The following GALNTL6 variants were observed in gnomAD, a reference collection of about 807,000 sequenced individuals.
GALNTL6 encodes polypeptide N-acetylgalactosaminyltransferase like 6, also known as polypeptide N-acetylgalactosaminyltransferase-like 6.
In GALNTL6, 46 loss-of-function variants were observed where a neutral mutation model predicts 73.7. That is an observed-to-expected ratio of 0.62 (90% confidence interval 0.49 to 0.80). The LOEUF is 0.80. Ranked by LOEUF, GALNTL6 falls within the 30% of genes least tolerant of loss-of-function variation. GALNTL6 has a pLI of 0.00. For synonymous variants in GALNTL6, 259 were observed against 263.7 expected, an observed-to-expected ratio of 0.98 and a Z score of 0.17; for missense variants, 604 against 755.0, an observed-to-expected ratio of 0.80 and a Z score of 2.34.
At chr4:172,995,059 G>A (rs1751715139) in intron 10 of GALNTL6, among the ~76,000 whole-genome samples, 4 of 152,124 alleles carry the variant, frequency 2.6e-5, no homozygotes, top group Non-Finnish European at 2.9e-5. Context: ...TGTGACTATG[G>A]CCCTTGGCTT....
At chr4:172,259,518 C>T (rs1258208946) in intron 3 of GALNTL6, among the ~76,000 whole-genome samples, 5 of 149,560 alleles carry the variant, frequency 3.3e-5, no homozygotes, top group Admixed American at 6.7e-5. Context: ...AGTCCTTTGT[C>T]GGATGCACAG....
chr4:172,401,504 C>T (rs527613963), intron 5 of GALNTL6, among the ~76,000 whole-genome samples: 1 of 152,178 alleles, frequency 6.6e-6, no homozygotes, highest in South Asian at 2.1e-4. Flanking sequence ...ATTTATGTCT[C>T]ACCATAAAAA....
chr4:172,464,233 A>G (rs1022660190), intron 5 of GALNTL6, among the ~76,000 whole-genome samples: 2 of 152,142 alleles, frequency 1.3e-5, no homozygotes, highest in Non-Finnish European at 2.9e-5. Context: ...AGGTTTAGAC[A>G]ATACAATAAA....
intron 5 of GALNTL6, among the ~76,000 whole-genome samples, chr4:172,504,072 AACTCTAGG>A (rs59354367): frequency 0.9 from 31,787 of 35,306 alleles, 15,543 homozygotes; most frequent in Middle Eastern, 1. Context: ...GAAGCTCTTG[AACTCTAGG>A]ACTCTAGGAG....
chr4:172,553,489 C>A (rs1345118560), intron 5 of GALNTL6, among the ~76,000 whole-genome samples: 2 of 152,086 alleles, frequency 1.3e-5, no homozygotes, highest in Non-Finnish European at 2.9e-5. Context: ...TAGATTAACA[C>A]TATATTTTCA....
At chr4:171,845,381 G>A (rs1735343280) in intron 2 of GALNTL6, among the ~76,000 whole-genome samples, 1 of 151,948 alleles carries the variant, frequency 6.6e-6, no homozygotes, top group South Asian at 2.1e-4. Flanking sequence ...TTTATCTATT[G>A]GTTTATATTA....
At chr4:172,626,207 G>A (rs568565716) in intron 5 of GALNTL6, among the ~76,000 whole-genome samples, 4 of 151,928 alleles carry the variant, frequency 2.6e-5, no homozygotes, top group Non-Finnish European at 4.4e-5. Flanking sequence ...ATGATGAAAC[G>A]TAGGGGTCAG....
intron 5 of GALNTL6, among the ~76,000 whole-genome samples, chr4:172,573,235 A>G (rs1236146173): frequency 6.6e-6 from 1 of 152,154 alleles, no homozygotes; most frequent in Admixed American, 6.5e-5. Context: ...CCATCAAACT[A>G]TTATGCTTCA....
chr4:172,219,438 T>G (rs139366128), intron 2 of GALNTL6, among the ~76,000 whole-genome samples: 28 of 151,702 alleles, frequency 1.8e-4, no homozygotes, highest in African/African-American at 6.3e-4. Flanking sequence ...GCCATTCAAT[T>G]CCTATATTTA....
intron 5 of GALNTL6, among the ~76,000 whole-genome samples, chr4:172,484,621 G>C (rs1733607798): frequency 6.6e-6 from 1 of 152,092 alleles, no homozygotes. Context: ...TCCCAGACTG[G>C]GTTTTTGAAA....
In GALNTL6 at chr4:171,888,911, C is replaced by T. The variant is rs184397663; in HGVS notation, c.138+74193C>T. 5.3e-5 allele frequency among the ~76,000 whole-genome samples: 8 copies of T among 152,110 alleles called. No homozygotes were observed. In the East Asian group the frequency reaches 1.2e-3, roughly 22 times the overall value. ...AGTGTTTTACTCTGTAGACCAAACACGTTCTATGATTTGTTGTATAGTTCT... is the reference window on the plus strand; with the variant it reads ...AGTGTTTTACTCTGTAGACCAAACATGTTCTATGATTTGTTGTATAGTTCT... On this transcript the variant is annotated intron_variant, in intron 2 of 12. Coordinates refer to ENST00000506823, the MANE Select transcript of GALNTL6 (RefSeq NM_001034845.3).
At chr4:172,559,802 AT>A (rs1465291134) in intron 5 of GALNTL6, among the ~76,000 whole-genome samples, 1 of 152,208 alleles carries the variant, frequency 6.6e-6, no homozygotes, top group Non-Finnish European at 1.5e-5. Context: ...AATGTGTTGA[AT>A]TTTAATAAAC....
chr4:172,554,841 C>T (rs1290497897), intron 5 of GALNTL6, among the ~76,000 whole-genome samples: 1 of 152,106 alleles, frequency 6.6e-6, no homozygotes, highest in East Asian at 1.9e-4. Context: ...GTTCCCAGGT[C>T]TTGGCTCTTA....
intron 8 of GALNTL6, among the ~76,000 whole-genome samples, chr4:172,908,224 C>T (rs547348700): frequency 3.9e-5 from 6 of 152,250 alleles, no homozygotes; most frequent in Non-Finnish European, 8.8e-5. Context: ...TATTGTTGGA[C>T]TGTGCTTGGC....
intron 5 of GALNTL6, among the ~76,000 whole-genome samples, chr4:172,483,869 G>A (rs1340314653): frequency 6.6e-6 from 1 of 152,124 alleles, no homozygotes; most frequent in African/African-American, 2.4e-5. Context: ...AAAGGTGGAT[G>A]AAAATAAATA....
At chr4:172,082,206 T>C (rs1731901035) in intron 2 of GALNTL6, among the ~76,000 whole-genome samples, 1 of 152,190 alleles carries the variant, frequency 6.6e-6, no homozygotes, top group East Asian at 1.9e-4. Flanking sequence ...GCCATCATGT[T>C]CATGAAATAT....
At chr4:172,940,929 A>G (rs548560117) in intron 9 of GALNTL6, among the ~76,000 whole-genome samples, 26 of 151,976 alleles carry the variant, frequency 1.7e-4, no homozygotes, top group South Asian at 8.3e-4. Context: ...TCCAGCCTCA[A>G]CCTCCCAAAG....
intron 7 of GALNTL6, among the ~76,000 whole-genome samples, chr4:172,854,640 T>C: frequency 6.6e-6 from 1 of 152,280 alleles, no homozygotes; most frequent in East Asian, 1.9e-4. Context: ...CCCCATTCTA[T>C]ATCCAATTGT....
chr4:172,903,416 G>T (rs1040019786), intron 8 of GALNTL6, among the ~76,000 whole-genome samples: 5 of 152,104 alleles, frequency 3.3e-5, no homozygotes, highest in Non-Finnish European at 5.9e-5. Flanking sequence ...CATATAACAT[G>T]CAAGCTTAAC....
Sources: gnomAD v4.1 joint callset for allele counts (sites outside exome capture counted in the v4.1 genomes callset) on GRCh38, gnomAD v4.1.1 for gene constraint, MANE v1.5 for transcripts, NCBI Gene and HGNC (gene_info 2026-07-23, HGNC 2026-07-21) for gene names.